The following ACOXL variants were observed in gnomAD, a reference collection of about 807,000 sequenced individuals.
The protein encoded by ACOXL is acyl-CoA oxidase like.
ACOXL carries 70 observed loss-of-function variants against 71.9 expected under a neutral mutation model. The ratio of observed to expected loss-of-function variants is 0.97; its 90% confidence interval spans 0.80 to 1.19. The LOEUF (loss-of-function observed/expected upper bound fraction) is 1.19, where lower values mean the gene tolerates loss of function less well. ACOXL is among the 50% of genes most tolerant of loss of function. ACOXL has a pLI of 0.00. For synonymous variants in ACOXL, 253 were observed against 281.6 expected (o/e 0.90, Z 1.02); for missense variants, 703 against 736.3 (o/e 0.95, Z 0.52).
At chr2:110,862,378 C>A (rs890180032) in intron 10 of ACOXL, among the ~76,000 whole-genome samples, 2 of 152,184 alleles carry the variant, frequency 1.3e-5, no homozygotes, top group Non-Finnish European at 2.9e-5. Context: ...CGACTCAAGG[C>A]AGAGGAGGGC....
At chr2:110,814,820 T>C (rs1261499790) in intron 9 of ACOXL, among the ~76,000 whole-genome samples, 1 of 152,244 alleles carries the variant, frequency 6.6e-6, no homozygotes, top group African/African-American at 2.4e-5. Context: ...TTATACTCTA[T>C]AAATTACTCA....
At chr2:110,913,897 C>T (rs1331170085) in intron 11 of ACOXL, among the ~76,000 whole-genome samples, 2 of 152,108 alleles carry the variant, frequency 1.3e-5, no homozygotes, top group African/African-American at 2.4e-5. Context: ...ACCACCAAGC[C>T]TGGAGGAATC....
At chr2:110,886,380 CTT>C (rs751607372) in intron 10 of ACOXL, among the ~76,000 whole-genome samples, 18 of 131,426 alleles carry the variant, frequency 1.4e-4, no homozygotes, top group Non-Finnish European at 1.6e-4. Context: ...CCTTCTTTTT[CTT>C]TTTTTTTTTT....
chr2:110,932,004 C>A (rs554557385), intron 11 of ACOXL, among the ~76,000 whole-genome samples: 2 of 152,262 alleles, frequency 1.3e-5, no homozygotes, highest in South Asian at 4.2e-4. Flanking sequence ...TTGCAATAGT[C>A]CCAAACTGGA....
At chr2:110,947,102 G>A (rs2061138303) in intron 12 of ACOXL, among the ~76,000 whole-genome samples, 1 of 152,186 alleles carries the variant, frequency 6.6e-6, no homozygotes, top group African/African-American at 2.4e-5. Flanking sequence ...CCCTTCACCT[G>A]CCCTTGTGGG....
intron 13 of ACOXL, among the ~76,000 whole-genome samples, chr2:110,990,707 C>T (rs1211290651): frequency 6.6e-6 from 1 of 152,152 alleles, no homozygotes; most frequent in Non-Finnish European, 1.5e-5. Flanking sequence ...GTATTTTTGT[C>T]ATTACCAGAT....
At chr2:110,880,292 T>C (rs1573965788) in intron 10 of ACOXL, among the ~76,000 whole-genome samples, 2 of 152,240 alleles carry the variant, frequency 1.3e-5, no homozygotes, top group South Asian at 4.2e-4. Context: ...CTTCCCAGCG[T>C]GCTAGTCCTA....
intron 9 of ACOXL, among the ~76,000 whole-genome samples, chr2:110,810,555 C>A (rs1687191956): frequency 6.6e-6 from 1 of 151,818 alleles, no homozygotes; most frequent in Admixed American, 6.6e-5. Context: ...ATTCATCATT[C>A]ATCCATCATC....
rs555868617 is a variant in ACOXL, at chr2:110,885,112, C to T, written c.789-23677C>T. Among the ~76,000 whole-genome samples, 141 of 152,166 alleles carry T rather than the reference C, an allele frequency of 9.3e-4. 5 individuals carry two copies. The South Asian group carries it at 0.027, about 29-fold the overall frequency. On this transcript the variant is annotated intron_variant, in intron 10 of 17. Coordinates refer to ENST00000439055, the MANE Select transcript of ACOXL (RefSeq NM_001142807.4). ...CAAATTTGTGGTCTGTATATGAGTG[C>T]GTGGGGAATGGATTTCTCCTTACCC...
chr2:110,837,698 G>A (rs893082980), intron 9 of ACOXL, among the ~76,000 whole-genome samples: 1 of 152,056 alleles, frequency 6.6e-6, no homozygotes, highest in Non-Finnish European at 1.5e-5. Context: ...GCATTTTCAA[G>A]CTGAAGTGGC....
intron 3 of ACOXL, among the ~76,000 whole-genome samples, chr2:110,791,890 G>A (rs149262516): frequency 6.4e-4 from 98 of 152,288 alleles, no homozygotes; most frequent in Non-Finnish European, 1.2e-3. Context: ...TGTAATTCAG[G>A]AGTCTAGGAT....
intron 14 of ACOXL, among the ~76,000 whole-genome samples, chr2:111,020,471 G>A (rs550854696): frequency 6.6e-6 from 1 of 152,350 alleles, no homozygotes; most frequent in South Asian, 2.1e-4. Flanking sequence ...AGGTAGTTAG[G>A]TGGTGGAGGG....
At position 111,118,019 on chromosome 2, in the gene ACOXL, G is replaced by A; in HGVS notation, c.*203G>A. The A allele has an allele frequency of 1.6e-6, 1 of 641,618 alleles. No individual in the cohort carries two copies. The highest frequency in any genetic ancestry group is 2.7e-6 in the Non-Finnish European group (1 of 376,392). 39.7% of individuals were successfully genotyped at this position (641,618 alleles called of 1,614,324 possible). On this transcript the variant is annotated 3_prime_UTR_variant, in exon 18 of 18. Transcript: ENST00000439055. ...AAAGAGATCCAGACGGTCGCCTGGTGCGCTGGATCCCTGTGCCCTTTCCCT... is the reference window on the plus strand; with the variant it reads ...AAAGAGATCCAGACGGTCGCCTGGTACGCTGGATCCCTGTGCCCTTTCCCT...
At chr2:111,075,300 C>CT in intron 16 of ACOXL, among the ~76,000 whole-genome samples, 1 of 152,160 alleles carries the variant, frequency 6.6e-6, no homozygotes, top group East Asian at 1.9e-4. Flanking sequence ...TTATGTATTT[C>CT]ATTTCGTATG....
intron 10 of ACOXL, among the ~76,000 whole-genome samples, chr2:110,849,734 G>C (rs950753345): frequency 6.6e-6 from 1 of 150,526 alleles, no homozygotes; most frequent in African/African-American, 2.4e-5. Flanking sequence ...CTCCAGACTG[G>C]GTGACAGAGT....
intron 1 of ACOXL, among the ~76,000 whole-genome samples, chr2:110,755,916 A>G (rs535857515): frequency 1.3e-5 from 2 of 152,220 alleles, no homozygotes; most frequent in South Asian, 4.2e-4. Context: ...TAAAAAAAAT[A>G]CACACACATG....
intron 16 of ACOXL, among the ~76,000 whole-genome samples, chr2:111,081,067 C>G (rs956572889): frequency 1.3e-5 from 2 of 152,156 alleles, no homozygotes; most frequent in African/African-American, 4.8e-5. Flanking sequence ...CAATATCATA[C>G]TGAATAGGCA....
intron 12 of ACOXL, among the ~76,000 whole-genome samples, chr2:110,973,899 G>A (rs1018074655): frequency 6.6e-6 from 1 of 152,182 alleles, no homozygotes; most frequent in Non-Finnish European, 1.5e-5. Flanking sequence ...TGGTCCCTTG[G>A]GGTGAGAGAC....
intron 9 of ACOXL, among the ~76,000 whole-genome samples, chr2:110,806,905 C>G (rs1182662455): frequency 6.6e-6 from 1 of 151,770 alleles, no homozygotes; most frequent in Non-Finnish European, 1.5e-5. Flanking sequence ...CAGACCAGAC[C>G]AGGCAGAGGT....
Sources: allele counts gnomAD v4.1 joint callset (sites outside exome capture counted in the v4.1 genomes callset), GRCh38; gene constraint gnomAD v4.1.1; transcripts MANE v1.5; gene names NCBI Gene and HGNC (gene_info 2026-07-23, HGNC 2026-07-21).